KNTC1: variants seen among roughly 807,000 people sequenced by gnomAD.
The protein encoded by KNTC1 is kinetochore-associated protein 1.
Under a neutral mutation model 314.4 loss-of-function variants are expected in KNTC1, and 253 were observed. The observed-to-expected ratio is 0.80, with a 90% CI of 0.73 to 0.89. The LOEUF (loss-of-function observed/expected upper bound fraction) is 0.89, where lower values mean the gene tolerates loss of function less well. Among genes scored for constraint, KNTC1 ranks in the 40% least tolerant of loss-of-function variants. The pLI, the probability that KNTC1 is intolerant of heterozygous loss-of-function variation, is 0.00. For missense variants in KNTC1, 2,475 were observed against 2,572.9 expected (o/e 0.96, Z 0.82); for synonymous variants, 901 against 901.4 (o/e 1.00, Z 0.01).
chr12:122,529,615 C>G (rs1326631085), intron 1 of KNTC1, among the ~76,000 whole-genome samples: 1 of 152,194 alleles, frequency 6.6e-6, no homozygotes, highest in Non-Finnish European at 1.5e-5. Context: ...GACAATCTGG[C>G]ATCTAAACCT....
chr12:122,571,180 G>A, intron 24 of KNTC1, 54 bp downstream of exon 24: 1 of 1,340,840 alleles, frequency 7.5e-7, no homozygotes, highest in South Asian at 1.2e-5. Flanking sequence ...ACCTGAAAGG[G>A]TTTGTCTGCA....
At chr12:122,625,517 A>G (rs1874933959) in intron 63 of KNTC1, among the ~76,000 whole-genome samples, 1 of 151,946 alleles carries the variant, frequency 6.6e-6, no homozygotes, top group South Asian at 2.1e-4. Context: ...CAGTGAGCCA[A>G]GATCACACCA....
chr12:122,588,849 G>GTTT, intron 40 of KNTC1, 33 bp downstream of exon 40: 6 of 1,224,350 alleles, frequency 4.9e-6, no homozygotes, highest in Non-Finnish European at 6.5e-6. Flanking sequence ...AATTTTGTTT[G>GTTT]TTTTTTTTTT....
At position 122,575,578 on chromosome 12, in the gene KNTC1, G is replaced by A. The variant is rs1964962971; in HGVS notation, c.2418G>A (p.Ala806=). Residue 806 remains alanine, a synonymous_variant, in exon 28 of 64, where the codon GCG becomes GCA. Transcript: ENST00000333479. ...ATGCCGTGCTCAAGATCATGTATGC[G>A]GCAGTGGTTCCTTGGAGTGCAGCTG... The part of the protein sequence containing the change: ...IFDAVLKIMY[A]AVVPWSAAVE... 5.6e-6 allele frequency: 9 copies of A among 1,597,162 alleles called. No homozygotes were observed. Among genetic ancestry groups the A allele is most frequent in the Non-Finnish European group, 7.7e-6 (9 of 1,171,648 alleles).
Position 122,542,078 on chromosome 12 carries a change from C to A in KNTC1, c.474C>A (p.Tyr158Ter). 1 of 1,547,164 alleles carries A rather than the reference C, an allele frequency of 6.5e-7. No homozygotes were observed. The highest frequency in any genetic ancestry group is 8.8e-7 in the Non-Finnish European group (1 of 1,136,202). The change falls in exon 6 of 64, where the codon TAC becomes TAA. Residue 158 changes from tyrosine to a stop codon, truncating the protein, a stop_gained. Transcript: ENST00000333479. LOFTEE classifies it high-confidence loss of function. ...EGTYYMLLLT[Y>*]SGFFCITNLQ... is the part of the protein sequence containing the mutation. ...CCTATTATATGCTACTTCTTACATA[C>A]AGTGGATTTTTTTGTATTACAAACC...
chr12:122,574,241 T>C, intron 26 of KNTC1, 41 bp from the exon 27 acceptor site: 1 of 1,200,792 alleles, frequency 8.3e-7, no homozygotes. Context: ...TTAATGAGAA[T>C]TTTTAATTTT....
At chr12:122,568,565 G>A (rs919310035) in intron 21 of KNTC1, among the ~76,000 whole-genome samples, 193 bp downstream of exon 21, 2 of 152,198 alleles carry the variant, frequency 1.3e-5, no homozygotes, top group African/African-American at 2.4e-5. Context: ...GGCTGGGCGC[G>A]ATGGCTCACG....
chr12:122,582,953 T>C lies in KNTC1; in HGVS notation c.3231T>C (p.Asp1077=), dbSNP rs1242775317. 6.2e-7 allele frequency: 1 copy of C among 1,612,622 alleles called. No individual in the cohort carries two copies. Among genetic ancestry groups the C allele is most frequent in the East Asian group, 2.2e-5 (1 of 44,858 alleles). ...AGCTGACCTTGAGAGCCTTAAAAGA[T>C]GGGAACATCAAAACAGCACTGAAAA... The part of the protein sequence containing the change: ...EAELTLRALK[D]GNIKTALKKC... Residue 1077 remains aspartate (D), a synonymous_variant, in exon 34 of 64, where the codon GAT becomes GAC. Coordinates refer to ENST00000333479, the MANE Select transcript of KNTC1 (RefSeq NM_014708.6).
chr12:122,580,041 G>T, intron 32 of KNTC1, 64 bp downstream of exon 32: 2 of 1,112,260 alleles, frequency 1.8e-6, no homozygotes, highest in Admixed American at 1.9e-5. Flanking sequence ...TCAGAAAGAG[G>T]CATCGAAGAC....
intron 3 of KNTC1, among the ~76,000 whole-genome samples, chr12:122,537,724 C>A (rs1181207439): frequency 6.6e-6 from 1 of 151,794 alleles, no homozygotes; most frequent in Non-Finnish European, 1.5e-5. Context: ...GGTCATTTAT[C>A]AGCTATTTCT....
At chr12:122,557,166 C>T (rs1188064180) in intron 16 of KNTC1, among the ~76,000 whole-genome samples, 1 of 152,132 alleles carries the variant, frequency 6.6e-6, no homozygotes, top group Non-Finnish European at 1.5e-5. Flanking sequence ...CTGCTTGACA[C>T]GTTTAGTAAG....
chr12:122,532,652 C>T (rs1000505117), intron 2 of KNTC1, among the ~76,000 whole-genome samples: 6 of 152,130 alleles, frequency 3.9e-5, no homozygotes, highest in African/African-American at 1.4e-4. Flanking sequence ...ATTATTAGCA[C>T]GTGGCATACA....
rs1962780247 is a variant in KNTC1 at position 122,546,567 on chromosome 12, A to C, written c.764-55A>C. On this transcript the variant is annotated intron_variant, in intron 9 of 63. Transcript: ENST00000333479. ...CTGTGAATATGTTAGTTTTTTATTT[A>C]GATATATGAAATATTGAAATAAAAT... The C allele has an allele frequency of 6.3e-6, 7 of 1,113,318 alleles. No homozygotes were observed. The South Asian group carries it at 1.0e-4, about 16-fold the overall frequency. The allele number at this position is 1,113,318 out of a possible 1,614,324, so 69.0% of individuals were successfully genotyped here.
chr12:122,583,871 C>T (rs144746298), intron 34 of KNTC1, among the ~76,000 whole-genome samples: 105 of 152,074 alleles, frequency 6.9e-4, no homozygotes, highest in African/African-American at 2.5e-3. Context: ...ACCTGTAATC[C>T]CAGCAGTTTT....
intron 36 of KNTC1, 62 bp from the exon 37 acceptor site, chr12:122,585,574 G>T: frequency 6.4e-7 from 1 of 1,566,410 alleles, no homozygotes; most frequent in African/African-American, 1.4e-5. Context: ...CCATAGACCA[G>T]AAGAAACAAT....
chr12:122,614,316 G>C (rs1395012775), intron 55 of KNTC1, among the ~76,000 whole-genome samples: 6 of 152,270 alleles, frequency 3.9e-5, no homozygotes, highest in Admixed American at 3.3e-4. Flanking sequence ...CGGCTTATCT[G>C]TCCTTATCTG....
chr12:122,618,916 C>T (rs946646217), intron 59 of KNTC1, among the ~76,000 whole-genome samples: 1 of 151,458 alleles, frequency 6.6e-6, no homozygotes, highest in African/African-American at 2.4e-5. Flanking sequence ...GCTGGGATTA[C>T]AGGCATACGC....
At chr12:122,591,821 C>G (rs1870242120) in intron 42 of KNTC1, among the ~76,000 whole-genome samples, 1 of 152,182 alleles carries the variant, frequency 6.6e-6, no homozygotes, top group Non-Finnish European at 1.5e-5. Flanking sequence ...CAGCTATATA[C>G]CATGCTTCAA....
intron 29 of KNTC1, among the ~76,000 whole-genome samples, chr12:122,576,380 G>A (rs1965021230): frequency 6.6e-6 from 1 of 151,976 alleles, no homozygotes; most frequent in South Asian, 2.1e-4. Context: ...TTTTATGAGA[G>A]TATTAAAGAC....
Sources: allele counts gnomAD v4.1 joint callset (sites outside exome capture counted in the v4.1 genomes callset), GRCh38; gene constraint gnomAD v4.1.1; transcripts MANE v1.5; gene names NCBI Gene and HGNC (gene_info 2026-07-23, HGNC 2026-07-21).